ZNF423: variants seen among roughly 807,000 people sequenced by gnomAD.
The protein encoded by ZNF423 is zinc finger protein 423, also known as Ebf-associated zinc finger protein.
In ZNF423, 12 loss-of-function variants were observed where a neutral mutation model predicts 95.8. The ratio of observed to expected loss-of-function variants is 0.13; its 90% CI spans 0.08 to 0.20. ZNF423 has a LOEUF of 0.20. ZNF423 is among the 10% of genes least tolerant of loss of function. The pLI, the probability that ZNF423 is intolerant of heterozygous loss-of-function variation, is 1.00. For synonymous variants in ZNF423, 749 were observed against 711.9 expected, an observed-to-expected ratio of 1.05 and a Z score of -0.83; for missense variants, 1,316 against 1,737.1, an observed-to-expected ratio of 0.76 and a Z score of 4.31.
At chr16:49,586,760 C>T (rs778693485) in intron 5 of ZNF423, among the ~76,000 whole-genome samples, 6 of 152,196 alleles carry the variant, frequency 3.9e-5, no homozygotes, top group Admixed American at 6.5e-5. Flanking sequence ...ACACTTCTTC[C>T]GCCTCTTTCT....
At chr16:49,811,761 C>A (rs781282354) in intron 1 of ZNF423, among the ~76,000 whole-genome samples, 1 of 151,360 alleles carries the variant, frequency 6.6e-6, no homozygotes, top group Non-Finnish European at 1.5e-5. Flanking sequence ...CCCCCACCCC[C>A]GCCCCCAGAG....
chr16:49,633,154 G>A (rs997233546), intron 4 of ZNF423, among the ~76,000 whole-genome samples: 2 of 152,212 alleles, frequency 1.3e-5, no homozygotes, highest in Non-Finnish European at 2.9e-5. Flanking sequence ...TCGAAAGCTG[G>A]GGGCTTGAGG....
At chr16:49,823,335 GA>G (rs1409211373) in intron 1 of ZNF423, among the ~76,000 whole-genome samples, 1 of 152,226 alleles carries the variant, frequency 6.6e-6, no homozygotes, top group Non-Finnish European at 1.5e-5. Flanking sequence ...CTAAGTGCCA[GA>G]CACTCTGCTA....
At chr16:49,513,692 G>C (rs553051455) in intron 7 of ZNF423, among the ~76,000 whole-genome samples, 1 of 151,704 alleles carries the variant, frequency 6.6e-6, no homozygotes, top group Admixed American at 6.6e-5. Flanking sequence ...GATGGCAAAG[G>C]GTGTCTTCAC....
intron 3 of ZNF423, among the ~76,000 whole-genome samples, chr16:49,719,948 C>T (rs915502825): frequency 2.0e-5 from 3 of 152,220 alleles, no homozygotes; most frequent in Non-Finnish European, 4.4e-5. Flanking sequence ...ACCTGAGCCA[C>T]TCAGGCTCAA....
intron 3 of ZNF423, among the ~76,000 whole-genome samples, chr16:49,686,620 A>AC (rs2031575012): frequency 2.7e-5 from 4 of 150,668 alleles, no homozygotes; most frequent in Admixed American, 6.6e-5. Context: ...CGCTCCAATC[A>AC]CCCCCTCTCC....
chr16:49,539,353 A>G (rs1969170276), intron 5 of ZNF423, among the ~76,000 whole-genome samples: 2 of 152,140 alleles, frequency 1.3e-5, no homozygotes, highest in Admixed American at 1.3e-4. Flanking sequence ...CTCAGCCACC[A>G]TGCCATTCTC....
intron 5 of ZNF423, among the ~76,000 whole-genome samples, chr16:49,613,154 G>A (rs1187668202): frequency 6.6e-6 from 1 of 152,034 alleles, no homozygotes; most frequent in South Asian, 2.1e-4. Flanking sequence ...CAAGAATTTT[G>A]GTAGATACAG....
intron 3 of ZNF423, among the ~76,000 whole-genome samples, chr16:49,716,797 T>C (rs936039235): frequency 1.3e-5 from 2 of 152,172 alleles, no homozygotes; most frequent in African/African-American, 4.8e-5. Context: ...GGGGAGGCTG[T>C]GACCAGAGGA....
intron 3 of ZNF423, among the ~76,000 whole-genome samples, chr16:49,666,068 A>G (rs1278149193): frequency 1.3e-5 from 2 of 152,226 alleles, no homozygotes; most frequent in African/African-American, 4.8e-5. Flanking sequence ...TTTTCTAAAT[A>G]GTGCGATCAA....
intron 3 of ZNF423, among the ~76,000 whole-genome samples, chr16:49,676,217 C>T (rs897517680): frequency 6.6e-6 from 1 of 152,246 alleles, no homozygotes; most frequent in Non-Finnish European, 1.5e-5. Context: ...AGACTGGAGG[C>T]GCAGCTCTGC....
chr16:49,805,194 A>G (rs2034643183), intron 1 of ZNF423, among the ~76,000 whole-genome samples: 1 of 152,196 alleles, frequency 6.6e-6, no homozygotes, highest in East Asian at 1.9e-4. Context: ...GCCCACAACC[A>G]TACTCTCAGC....
At chr16:49,604,068 A>T (rs1971459921) in intron 5 of ZNF423, among the ~76,000 whole-genome samples, 1 of 152,190 alleles carries the variant, frequency 6.6e-6, no homozygotes, top group African/African-American at 2.4e-5. Context: ...AGCTGCAAGA[A>T]CAGCCCCTGG....
intron 1 of ZNF423, among the ~76,000 whole-genome samples, chr16:49,799,178 G>C (rs1457849136): frequency 6.6e-6 from 1 of 152,164 alleles, no homozygotes; most frequent in Non-Finnish European, 1.5e-5. Context: ...CTGTAAAATG[G>C]GGATAATCAG....
chr16:49,737,493 C>T (rs1023894276), intron 2 of ZNF423, among the ~76,000 whole-genome samples: 6 of 152,366 alleles, frequency 3.9e-5, no homozygotes, highest in Admixed American at 2.6e-4. Context: ...TGGTCTCAAA[C>T]TTCTGATCCA....
rs572929226 is a variant in ZNF423 at position 49,659,937 on chromosome 16, T to C, written c.302-21063A>G. Reference sequence around the variant, plus strand: ...CCTCAATATTTGCCAAATGAGTCAATGGATGCACACTTTAGTCAGGCCACT... The same window carrying C: ...CCTCAATATTTGCCAAATGAGTCAACGGATGCACACTTTAGTCAGGCCACT... On this transcript the variant is annotated intron_variant, in intron 3 of 7. Transcript: ENST00000563137. Among the ~76,000 whole-genome samples, 9 of 152,342 alleles carry C rather than the reference T, an allele frequency of 5.9e-5. No homozygotes were observed. In the South Asian group the frequency reaches 1.4e-3, roughly 25 times the overall value.
Position 49,644,377 on chromosome 16 carries a change from G to A in ZNF423, c.302-5503C>T, listed in dbSNP as rs577713112. Reference sequence around the variant, plus strand: ...TGTGAATAAAAATGACCATCCAGCCGGGCATGGTGGCTCATGCCTGTAATC... The same window carrying A: ...TGTGAATAAAAATGACCATCCAGCCAGGCATGGTGGCTCATGCCTGTAATC... On this transcript the variant is annotated intron_variant, in intron 3 of 7. Coordinates refer to ENST00000563137, the MANE Select transcript of ZNF423 (RefSeq NM_001379286.1). Among the ~76,000 whole-genome samples, 19 of 152,008 alleles carry A rather than the reference G, an allele frequency of 1.2e-4. No homozygotes were observed. In the East Asian group the frequency reaches 1.7e-3, roughly 14 times the overall value.
At chr16:49,652,454 C>T (rs1017588794) in intron 3 of ZNF423, among the ~76,000 whole-genome samples, 8 of 152,022 alleles carry the variant, frequency 5.3e-5, no homozygotes, top group Non-Finnish European at 7.4e-5. Flanking sequence ...CAAGGAAGAG[C>T]CCCCCAAGTC....
At chr16:49,771,802 T>C (rs1409113014) in intron 2 of ZNF423, among the ~76,000 whole-genome samples, 1 of 152,086 alleles carries the variant, frequency 6.6e-6, no homozygotes, top group East Asian at 1.9e-4. Flanking sequence ...AATTACCCAG[T>C]CTTGGGTATT....
Sources: allele counts gnomAD v4.1 joint callset (sites outside exome capture counted in the v4.1 genomes callset), GRCh38; gene constraint gnomAD v4.1.1; transcripts MANE v1.5; gene names NCBI Gene and HGNC (gene_info 2026-07-23, HGNC 2026-07-21).